Variants in MAP4K2 observed in about 807,000 individuals in gnomAD.
The protein encoded by MAP4K2 is mitogen-activated protein kinase kinase kinase kinase 2, also known as B lymphocyte serine/threonine protein kinase.
MAP4K2 carries 85 observed loss-of-function variants against 125.3 expected under a neutral mutation model. That is an observed-to-expected ratio of 0.68 (90% confidence interval 0.57 to 0.81). The LOEUF (loss-of-function observed/expected upper bound fraction) is 0.81, where lower values mean the gene tolerates loss of function less well. Ranked by LOEUF, MAP4K2 falls within the 40% of genes least tolerant of loss-of-function variation. MAP4K2 has a pLI of 0.00. For synonymous variants in MAP4K2, 479 were observed against 445.1 expected (o/e 1.08, Z -0.96); for missense variants, 923 against 1,056.4 (o/e 0.87, Z 1.75).
chr11:64,800,586 T>G (rs1478829356), intron 10 of MAP4K2, among the ~76,000 whole-genome samples, 178 bp downstream of exon 10: 1 of 152,242 alleles, frequency 6.6e-6, no homozygotes, highest in Non-Finnish European at 1.5e-5. Context: ...TCTGCCCTTC[T>G]TTCCTGACCA....
At chr11:64,800,529 T>G in intron 10 of MAP4K2, 137 bp from the exon 11 acceptor site, 2 of 1,120,718 alleles carry the variant, frequency 1.8e-6, no homozygotes, top group Non-Finnish European at 2.5e-6. Flanking sequence ...CAAGGGCCAC[T>G]GGCCGAGCAA....
intron 30 of MAP4K2, 45 bp from the exon 31 acceptor site, chr11:64,789,830 T>C (rs1167326999): frequency 6.2e-7 from 1 of 1,613,648 alleles, no homozygotes; most frequent in African/African-American, 1.3e-5. Flanking sequence ...CAGTAGGTCC[T>C]TTCCAAAGAG....
rs752791290 is a variant in MAP4K2, at chr11:64,800,830, T to G, written c.663-4A>C. ...CTTCGACATGAGCATCAGGGCCCTG[T>G]GGAGGGCGCGAGGTCAGGGGCCACA... On this transcript the variant is annotated splice_region_variant and splice_polypyrimidine_tract_variant and intron_variant, in intron 9 of 31. Coordinates refer to ENST00000294066, the MANE Select transcript of MAP4K2 (RefSeq NM_004579.5). The G allele has an allele frequency of 6.2e-6, 10 of 1,612,864 alleles. No homozygotes were observed. Among genetic ancestry groups the G allele is most frequent in the Non-Finnish European group, 8.5e-6 (10 of 1,179,590 alleles).
chr11:64,795,302 G>C (rs1275808023), intron 24 of MAP4K2, among the ~76,000 whole-genome samples: 1 of 151,420 alleles, frequency 6.6e-6, no homozygotes. Context: ...CAGGCTGGTC[G>C]TAAACTCCTG....
At chr11:64,797,762 G>C in intron 15 of MAP4K2, 98 bp from the exon 16 acceptor site, 2 of 1,208,738 alleles carry the variant, frequency 1.7e-6, no homozygotes, top group Non-Finnish European at 2.2e-6. Flanking sequence ...CCGGAGTGCA[G>C]TGGCGCAATC....
rs138670275 is a variant in MAP4K2 at position 64,789,579 on chromosome 11, G to C, written c.2421C>G (p.His807Gln). 1.7e-5 allele frequency: 27 copies of C among 1,603,316 alleles called. No individual in the cohort carries two copies. The East Asian group carries it at 5.6e-4, about 33-fold the overall frequency. Residue 807 changes from histidine (H) to glutamine (Q), a missense_variant, in exon 32 of 32, where the codon CAC becomes CAG. Physicochemically the swap from His to Gln is conservative, Grantham distance 24 (BLOSUM62 0). Around this residue, in one of 2 missense-constraint regions of MAP4K2, gnomAD observed 90 missense variants for 144.9 expected, o/e 0.62. Transcript: ENST00000294066. ...ESIPTDNPEA[H>Q]SNLYILTGHQ... ...GGCCCGTGAGGATGTAGAGGTTGCTGTGCGCCTCTGGGTTGTCAGTGGGAA... is the reference window on the plus strand; with the variant it reads ...GGCCCGTGAGGATGTAGAGGTTGCTCTGCGCCTCTGGGTTGTCAGTGGGAA...
rs762371395 is a variant in MAP4K2, at chr11:64,796,497, G to C, written c.1629C>G (p.Leu543=). The change falls in exon 23 of 32, where the codon CTC becomes CTG. Residue 543 remains leucine, a synonymous_variant. Coordinates refer to ENST00000294066, the MANE Select transcript of MAP4K2 (RefSeq NM_004579.5). The part of the protein sequence containing the change: ...LYCVNNVLLS[L]SGKSTHIWAH... ...CCTGCCCATCCCACCTTGTACCTGA[G>C]AGTGACAGCAGCACGTTGTTCACGC... The C allele has an allele frequency of 3.1e-6, 5 of 1,613,948 alleles. No individual in the cohort carries two copies. Among genetic ancestry groups the C allele is most frequent in the South Asian group, 1.1e-5 (1 of 91,084 alleles).
chr11:64,803,002 G>T, intron 1 of MAP4K2, 52 bp downstream of exon 1: 3 of 1,573,248 alleles, frequency 1.9e-6, no homozygotes, highest in Non-Finnish European at 2.6e-6. Context: ...ATCCTGCCGC[G>T]GGGTGCGGGG....
chr11:64,799,382 C>T (rs1170495968), intron 14 of MAP4K2, 39 bp downstream of exon 14: 12 of 1,607,852 alleles, frequency 7.5e-6, no homozygotes, highest in Non-Finnish European at 1.0e-5. Context: ...CCTGCCCCAC[C>T]TCTGGGCACC....
At chr11:64,800,531 G>T in intron 10 of MAP4K2, 139 bp from the exon 11 acceptor site, 1 of 1,097,444 alleles carries the variant, frequency 9.1e-7, no homozygotes, top group Non-Finnish European at 1.3e-6. Context: ...AGGGCCACTG[G>T]CCGAGCAACG....
At chr11:64,796,215 G>A in intron 24 of MAP4K2, 58 bp downstream of exon 24, 2 of 1,450,322 alleles carry the variant, frequency 1.4e-6, no homozygotes, top group East Asian at 2.3e-5. Flanking sequence ...GCAAGGCCAT[G>A]TTCCAGCCCC....
chr11:64,792,394 C>G lies in MAP4K2; in HGVS notation c.1780G>C (p.Asp594His). ...RRFALSTKIP[D>H]TKGCLQCRVV... The stretch of plus-strand genomic sequence containing the variant: ...CGACACTGCAAGCAGCCTTTGGTGT[C>G]AGGAATCTTGGTGGACAGAGCAAAG... The change falls in exon 25 of 32, where the codon GAC becomes CAC. Residue 594 changes from aspartate to histidine, a missense_variant. Physicochemically the swap from Asp to His is moderately conservative, Grantham distance 81. Coordinates refer to ENST00000294066, the MANE Select transcript of MAP4K2 (RefSeq NM_004579.5). 7.1e-7 allele frequency: 1 copy of G among 1,411,196 alleles called. No homozygotes were observed. Among genetic ancestry groups the G allele is most frequent in the Non-Finnish European group, 9.4e-7 (1 of 1,061,214 alleles). The allele number at this position is 1,411,196 out of a possible 1,614,324, so 87.4% of individuals were successfully genotyped here.
At chr11:64,792,519 T>C (rs555906470) in intron 24 of MAP4K2, 97 bp from the exon 25 acceptor site, 2 of 989,930 alleles carry the variant, frequency 2.0e-6, no homozygotes, top group Non-Finnish European at 3.1e-6. Context: ...CTTCCCTCTT[T>C]ACAAGTAAGG....
Position 64,799,452 on chromosome 11 carries a change from C to T in MAP4K2, c.1022G>A (p.Arg341His), listed in dbSNP as rs760672228. 6.8e-6 allele frequency: 11 copies of T among 1,611,678 alleles called. No individual in the cohort carries two copies. The highest frequency in any genetic ancestry group is 8.5e-6 in the Non-Finnish European group (10 of 1,179,302). The change falls in exon 14 of 32, where the codon CGC becomes CAC. Residue 341 changes from arginine (R) to histidine (H), a missense_variant. Arg to His is a conservative substitution (Grantham distance 29). Transcript: ENST00000294066. ...ATTCAGTGGGTCAGTTTCCTTCCTG[C>T]GTGGGGCGCCAAATTTCACCTGGTG... Reference protein sequence around the residue: ...QFHQVKFGAPRRKETDPLNEP... With the variant: ...QFHQVKFGAPHRKETDPLNEP...
chr11:64,796,759 C>T (rs1297748391), intron 21 of MAP4K2, 46 bp from the exon 22 acceptor site: 1 of 1,613,660 alleles, frequency 6.2e-7, no homozygotes, highest in Non-Finnish European at 8.5e-7. Context: ...GGCCCCTGGC[C>T]CAAGCTGAGG....
intron 13 of MAP4K2, 45 bp downstream of exon 13, chr11:64,799,560 G>C (rs1477234081): frequency 6.2e-7 from 1 of 1,604,068 alleles, no homozygotes; most frequent in African/African-American, 1.3e-5. Flanking sequence ...TGTGCACACA[G>C]GCCCCCCAAA....
At position 64,797,364 on chromosome 11, in the gene MAP4K2, T is replaced by C. The variant is rs776739125; in HGVS notation, c.1187A>G (p.Asp396Gly). 2.5e-6 allele frequency: 4 copies of C among 1,589,928 alleles called. No individual in the cohort carries two copies. The highest frequency in any genetic ancestry group is 3.6e-5 in the Admixed American group (2 of 56,054). Residue 396 changes from aspartate to glycine, a missense_variant, in exon 18 of 32, where the codon GAC (aspartate) becomes GGC (glycine). Around this residue, in one of 2 missense-constraint regions of MAP4K2, gnomAD observed 833 missense variants for 911.4 expected, o/e 0.91. Transcript: ENST00000294066. ...ASEFQELDSP[D>G]DTMGTIKRAP... ...CCGCTTGATGGTTCCCATGGTATCGTCTGGGGAGTCCAGCTCCTGGTAGGA... is the reference window on the plus strand; with the variant it reads ...CCGCTTGATGGTTCCCATGGTATCGCCTGGGGAGTCCAGCTCCTGGTAGGA...
chr11:64,802,979 G>C, intron 1 of MAP4K2, 37 bp from the exon 2 acceptor site: 1 of 1,557,838 alleles, frequency 6.4e-7, no homozygotes. Flanking sequence ...TGGGGGGCGG[G>C]GCCGGGGGCT....
chr11:64,791,846 C>T (rs1940495067), intron 27 of MAP4K2, 63 bp downstream of exon 27: 1 of 1,439,838 alleles, frequency 6.9e-7, no homozygotes, highest in East Asian at 2.5e-5. Flanking sequence ...GCCCTCCCTG[C>T]CTCCCTCCCT....
Sources: allele counts gnomAD v4.1 joint callset (sites outside exome capture counted in the v4.1 genomes callset), GRCh38; gene constraint gnomAD v4.1.1; regional missense constraint gnomAD v4.1.1; transcripts MANE v1.5; gene names NCBI Gene and HGNC (gene_info 2026-07-23, HGNC 2026-07-21).